Variants in GALNT13 observed in about 807,000 individuals in gnomAD.
GALNT13 encodes polypeptide N-acetylgalactosaminyltransferase 13.
Under a neutral mutation model 64.2 loss-of-function variants are expected in GALNT13, and 28 were observed. The observed-to-expected ratio is 0.44, with a 90% confidence interval of 0.32 to 0.60. The LOEUF is 0.60. Ranked by LOEUF, GALNT13 falls within the 20% of genes least tolerant of loss-of-function variation. The pLI, the probability that GALNT13 is intolerant of heterozygous loss-of-function variation, is 0.05. For missense variants in GALNT13, 577 were observed against 669.8 expected (o/e 0.86, Z 1.53); for synonymous variants, 214 against 224.6 (o/e 0.95, Z 0.42).
At chr2:154,093,636 A>G (rs1054233293) in intron 3 of GALNT13, among the ~76,000 whole-genome samples, 35 of 151,356 alleles carry the variant, frequency 2.3e-4, no homozygotes, top group African/African-American at 8.0e-4. Flanking sequence ...TAAATGACCT[A>G]AAACGTTTAA....
chr2:153,753,630 G>A, the GALNT13 span, among the ~76,000 whole-genome samples: 67 of 152,226 alleles, frequency 4.4e-4, no homozygotes, highest in Middle Eastern at 0.014. Context: ...TGACCCACCT[G>A]GGGGGTGGAA....
the GALNT13 span, among the ~76,000 whole-genome samples, chr2:153,631,449 T>C: frequency 6.6e-6 from 1 of 152,220 alleles, no homozygotes; most frequent in Admixed American, 6.5e-5. Context: ...TGTTCCTATT[T>C]CTCCACATCC....
the GALNT13 span, among the ~76,000 whole-genome samples, chr2:153,549,370 A>C: frequency 6.6e-6 from 1 of 152,216 alleles, no homozygotes; most frequent in Non-Finnish European, 1.5e-5. Context: ...GCAGTTTTAA[A>C]GGATAGGTCA....
chr2:154,278,514 G>A (rs1315615856), intron 8 of GALNT13, among the ~76,000 whole-genome samples: 1 of 152,110 alleles, frequency 6.6e-6, no homozygotes, highest in Non-Finnish European at 1.5e-5. Context: ...ATTTGCCAAG[G>A]AAGAAAATAG....
chr2:154,134,539 A>T, intron 3 of GALNT13, among the ~76,000 whole-genome samples: 1 of 152,200 alleles, frequency 6.6e-6, no homozygotes, highest in East Asian at 1.9e-4. Context: ...TTTATAATAG[A>T]TGTGATTGAA....
the GALNT13 span, among the ~76,000 whole-genome samples, chr2:153,563,857 A>G: frequency 6.6e-6 from 1 of 151,894 alleles, no homozygotes; most frequent in Non-Finnish European, 1.5e-5. Flanking sequence ...GCCCTCGAAT[A>G]TTTTCCCTAG....
the GALNT13 span, among the ~76,000 whole-genome samples, chr2:153,196,621 A>G: frequency 6.6e-6 from 1 of 151,088 alleles, no homozygotes; most frequent in African/African-American, 2.4e-5. Context: ...TGGAGCATGC[A>G]GGCAGCCCCG....
chr2:153,931,692 A>T (rs1480912497), intron 2 of GALNT13, among the ~76,000 whole-genome samples: 1 of 152,150 alleles, frequency 6.6e-6, no homozygotes, highest in Non-Finnish European at 1.5e-5. Flanking sequence ...CATCCTAGGG[A>T]TAAAGCCTAC....
At chr2:153,314,144 C>G in the GALNT13 span, among the ~76,000 whole-genome samples, 1 of 151,924 alleles carries the variant, frequency 6.6e-6, no homozygotes, top group Admixed American at 6.6e-5. Context: ...CTGAAATAAC[C>G]TGATAATTTC....
At chr2:153,141,489 G>A in the GALNT13 span, among the ~76,000 whole-genome samples, 18 of 152,132 alleles carry the variant, frequency 1.2e-4, no homozygotes, top group Admixed American at 1.2e-3. Context: ...TTTTTGTCTA[G>A]TATTAAAACC....
chr2:154,287,728 T>G (rs1258992935), intron 8 of GALNT13, among the ~76,000 whole-genome samples: 1 of 152,140 alleles, frequency 6.6e-6, no homozygotes, highest in African/African-American at 2.4e-5. Flanking sequence ...TTACTGTTCT[T>G]TTGAACTGCC....
chr2:153,551,056 A>C, the GALNT13 span, among the ~76,000 whole-genome samples: 2 of 152,192 alleles, frequency 1.3e-5, no homozygotes, highest in African/African-American at 4.8e-5. Flanking sequence ...CAAGTCCAAA[A>C]AAAAATCATT....
At chr2:154,063,689 C>A (rs966143344) in intron 3 of GALNT13, among the ~76,000 whole-genome samples, 1 of 152,102 alleles carries the variant, frequency 6.6e-6, no homozygotes, top group Admixed American at 6.6e-5. Context: ...TAATTTAAAG[C>A]TATTTTGTTT....
At chr2:153,361,321 T>C in the GALNT13 span, among the ~76,000 whole-genome samples, 5 of 152,106 alleles carry the variant, frequency 3.3e-5, no homozygotes, top group Middle Eastern at 3.4e-3. Context: ...CTCCAAATGA[T>C]CACAACACCT....
the GALNT13 span, among the ~76,000 whole-genome samples, chr2:153,443,473 A>G: frequency 2.0e-5 from 3 of 152,250 alleles, no homozygotes; most frequent in Non-Finnish European, 4.4e-5. Flanking sequence ...ACTTTTCTCT[A>G]TGCTTTGCTC....
At chr2:153,630,790 TATATATATATATATATA>T in the GALNT13 span, among the ~76,000 whole-genome samples, 18 of 11,742 alleles carry the variant, frequency 1.5e-3, no homozygotes, top group African/African-American at 4.0e-3. Context: ...TATATATATA[TATATATATATATATATA>T]TTTTTTTTTT....
the GALNT13 span, among the ~76,000 whole-genome samples, chr2:153,228,229 G>C: frequency 6.6e-6 from 1 of 152,132 alleles, no homozygotes; most frequent in African/African-American, 2.4e-5. Flanking sequence ...GGCCCTGAGT[G>C]ACACTCAGGG....
the GALNT13 span, among the ~76,000 whole-genome samples, chr2:153,351,836 A>G: frequency 6.6e-6 from 1 of 152,166 alleles, no homozygotes; most frequent in East Asian, 1.9e-4. Flanking sequence ...ATCTGGATGT[A>G]CCACAGTTTA....
intron 8 of GALNT13, among the ~76,000 whole-genome samples, chr2:154,293,268 T>C (rs1430540106): frequency 1.3e-5 from 2 of 152,148 alleles, no homozygotes; most frequent in African/African-American, 4.8e-5. Flanking sequence ...CATTGTAAAA[T>C]AATTTCAGGG....
Sources: allele counts gnomAD v4.1 joint callset (sites outside exome capture counted in the v4.1 genomes callset), GRCh38; gene constraint gnomAD v4.1.1; transcripts MANE v1.5; gene names NCBI Gene and HGNC (gene_info 2026-07-23, HGNC 2026-07-21).